The following TSHZ2 variants were observed in gnomAD, a reference collection of about 807,000 sequenced individuals.
TSHZ2 encodes teashirt zinc finger homeobox 2, also known as teashirt homolog 2.
Under a neutral mutation model 74.4 loss-of-function variants are expected in TSHZ2, and 21 were observed. The observed-to-expected ratio is 0.28, with a 90% CI of 0.20 to 0.41. TSHZ2 has a LOEUF of 0.41. TSHZ2 is among the 10% of genes least tolerant of loss of function. The pLI, the probability that TSHZ2 is intolerant of heterozygous loss-of-function variation, is 1.00. For missense variants in TSHZ2, 1,244 were observed against 1,293.5 expected (o/e 0.96, Z 0.59); for synonymous variants, 540 against 515.3 (o/e 1.05, Z -0.65).
chr20:53,240,721 TGATAGATAGATAGATAGATA>T (rs11468792), intron 1 of TSHZ2, among the ~76,000 whole-genome samples: 78 of 145,158 alleles, frequency 5.4e-4, no homozygotes, highest in African/African-American at 1.8e-3. Flanking sequence ...GATAGATAGA[TGATAGATAGATAGATAGATA>T]GATAGATAGA....
intron 1 of TSHZ2, among the ~76,000 whole-genome samples, chr20:53,237,129 A>T (rs1989959715): frequency 6.6e-6 from 1 of 152,228 alleles, no homozygotes; most frequent in South Asian, 2.1e-4. Context: ...AACAACTCAC[A>T]TGAGATCCTT....
chr20:53,008,742 G>A (rs187781953), intron 1 of TSHZ2, among the ~76,000 whole-genome samples: 6 of 152,056 alleles, frequency 3.9e-5, no homozygotes, highest in African/African-American at 7.2e-5. Context: ...AATTATTCCC[G>A]TTTTAAAAAT....
rs1010139352 is a variant in TSHZ2 at position 53,138,199 on chromosome 20, G to A, written c.41-115300G>A. Among the ~76,000 whole-genome samples, 14 of 152,060 alleles carry A rather than the reference G, an allele frequency of 9.2e-5. 1 individual carries two copies. Among genetic ancestry groups the A allele is most frequent in the Middle Eastern group, 3.4e-3 (1 of 294 alleles). On this transcript the variant is annotated intron_variant, in intron 1 of 2. Transcript: ENST00000371497. Reference sequence around the variant, plus strand: ...AGATCGCGACCATCCTGGCTAACACGGTGAAACCCCGTCTCTACTAAAAAA... The same window carrying A: ...AGATCGCGACCATCCTGGCTAACACAGTGAAACCCCGTCTCTACTAAAAAA...
At chr20:53,298,412 G>A (rs1308320946) in intron 2 of TSHZ2, among the ~76,000 whole-genome samples, 2 of 152,338 alleles carry the variant, frequency 1.3e-5, no homozygotes, top group East Asian at 3.9e-4. Context: ...CTATGTGGAC[G>A]GGGTCATCAA....
chr20:53,343,634 CAT>C (rs1407849283), intron 2 of TSHZ2, among the ~76,000 whole-genome samples: 1 of 152,178 alleles, frequency 6.6e-6, no homozygotes, highest in Non-Finnish European at 1.5e-5. Context: ...CCTTGATTTT[CAT>C]ATCAGTGGCA....
Position 53,008,246 on chromosome 20 carries a change from C to T in TSHZ2, c.40+34913C>T, listed in dbSNP as rs570979367. Among the ~76,000 whole-genome samples, 16 of 152,292 alleles carry T rather than the reference C, an allele frequency of 1.1e-4. No homozygotes were observed. The South Asian group carries it at 3.1e-3, about 30-fold the overall frequency. On this transcript the variant is annotated intron_variant, in intron 1 of 2. Coordinates refer to ENST00000371497, the MANE Select transcript of TSHZ2 (RefSeq NM_173485.6). ...GAAAGAGGAGAGAAGTAGGTAAAGGCATTTCAGAAATATGGTTAATTGGGT... is the reference window on the plus strand; with the variant it reads ...GAAAGAGGAGAGAAGTAGGTAAAGGTATTTCAGAAATATGGTTAATTGGGT...
chr20:53,212,343 A>G (rs1178041333), intron 1 of TSHZ2, among the ~76,000 whole-genome samples: 1 of 152,246 alleles, frequency 6.6e-6, no homozygotes, highest in Admixed American at 6.5e-5. Context: ...TGGTTTATTT[A>G]ATGATGATAC....
chr20:53,253,995 G>A lies in TSHZ2; in HGVS notation c.537G>A (p.Gln179=). 5.0e-6 allele frequency: 8 copies of A among 1,614,166 alleles called. No homozygotes were observed. The highest frequency in any genetic ancestry group is 6.8e-6 in the Non-Finnish European group (8 of 1,180,030). ...HQDALSKSLQ[Q]NLPSRSVSKP... ...ACGCTCTGTCCAAAAGCCTGCAGCA[G>A]AACTTGCCTTCTCGGTCCGTCTCGA... Residue 179 remains glutamine (Q), a synonymous_variant, in exon 2 of 3, where the codon CAG becomes CAA. Transcript: ENST00000371497.
intron 2 of TSHZ2, among the ~76,000 whole-genome samples, chr20:53,267,284 C>T (rs1433311794): frequency 1.3e-5 from 2 of 152,046 alleles, no homozygotes; most frequent in African/African-American, 2.4e-5. Flanking sequence ...GAGCCTGTGT[C>T]GAGGCTCCGA....
At chr20:53,047,428 G>A (rs1277980289) in intron 1 of TSHZ2, among the ~76,000 whole-genome samples, 1 of 152,104 alleles carries the variant, frequency 6.6e-6, no homozygotes, top group Non-Finnish European at 1.5e-5. Context: ...ACCATTATAT[G>A]CACATTCCAG....
intron 1 of TSHZ2, among the ~76,000 whole-genome samples, chr20:53,152,241 C>A (rs1987692517): frequency 6.6e-6 from 1 of 152,086 alleles, no homozygotes; most frequent in South Asian, 2.1e-4. Context: ...GAGCTTAGAT[C>A]CAATCCACTG....
chr20:53,132,910 T>C (rs1018389802), intron 1 of TSHZ2, among the ~76,000 whole-genome samples: 14 of 152,136 alleles, frequency 9.2e-5, no homozygotes, highest in Non-Finnish European at 1.5e-4. Context: ...CTTCCTTCAT[T>C]CCCTCTCTTC....
chr20:53,416,877 C>A (rs970153259), intron 2 of TSHZ2, among the ~76,000 whole-genome samples: 2 of 152,208 alleles, frequency 1.3e-5, no homozygotes, highest in South Asian at 4.1e-4. Context: ...GTCATTCATT[C>A]TCCCATTTGG....
intron 2 of TSHZ2, among the ~76,000 whole-genome samples, chr20:53,464,760 G>A (rs542482454): frequency 2.0e-5 from 3 of 152,074 alleles, no homozygotes; most frequent in South Asian, 2.1e-4. Flanking sequence ...CAGCCACCAC[G>A]CCCAGTCAGT....
At chr20:53,384,451 G>A (rs6022437) in intron 2 of TSHZ2, among the ~76,000 whole-genome samples, 23,727 of 152,132 alleles carry the variant, frequency 0.16, 2,393 homozygotes, top group South Asian at 0.34. Context: ...GGTGGGGAGA[G>A]CATCATATAG....
intron 1 of TSHZ2, among the ~76,000 whole-genome samples, chr20:52,992,299 C>G (rs929653370): frequency 6.6e-6 from 1 of 152,120 alleles, no homozygotes; most frequent in African/African-American, 2.4e-5. Context: ...GGTTCCAGGC[C>G]TTTGGAATAT....
intron 2 of TSHZ2, among the ~76,000 whole-genome samples, chr20:53,347,078 C>T (rs1010006728): frequency 6.6e-6 from 1 of 152,152 alleles, no homozygotes; most frequent in Non-Finnish European, 1.5e-5. Flanking sequence ...AGTCCCTCAC[C>T]CTACCTTATA....
intron 2 of TSHZ2, among the ~76,000 whole-genome samples, chr20:53,480,485 T>C (rs893713191): frequency 2.0e-5 from 3 of 151,574 alleles, no homozygotes; most frequent in African/African-American, 4.9e-5. Flanking sequence ...GAGGTTCACT[T>C]GAGCCCAGGA....
chr20:53,423,080 C>T (rs994487239), intron 2 of TSHZ2, among the ~76,000 whole-genome samples: 2 of 152,144 alleles, frequency 1.3e-5, no homozygotes, highest in African/African-American at 4.8e-5. Context: ...AAACCCAACA[C>T]CTACACTGTC....
Sources: allele counts gnomAD v4.1 joint callset (sites outside exome capture counted in the v4.1 genomes callset), GRCh38; gene constraint gnomAD v4.1.1; transcripts MANE v1.5; gene names NCBI Gene and HGNC (gene_info 2026-07-23, HGNC 2026-07-21).